ASPA: variants seen among roughly 807,000 people sequenced by gnomAD.
ASPA encodes ACY-2.
ASPA carries 25 observed loss-of-function variants against 29.6 expected under a neutral mutation model. The ratio of observed to expected loss-of-function variants is 0.85; its 90% CI spans 0.62 to 1.18. The LOEUF is 1.18. ASPA is among the 50% of genes most tolerant of loss of function. ASPA has a pLI of 0.00. For synonymous variants in ASPA, 131 were observed against 130.3 expected (o/e 1.01, Z -0.04); for missense variants, 333 against 385.7 (o/e 0.86, Z 1.14).
intron 1 of ASPA, among the ~76,000 whole-genome samples, chr17:3,478,116 C>T (rs1487879197): frequency 2.6e-5 from 4 of 152,078 alleles, no homozygotes; most frequent in East Asian, 1.9e-4. Context: ...ACCTGGGAGG[C>T]GGAGCTTGCA....
chr17:3,484,370 T>TA (rs2150749298), intron 3 of ASPA, among the ~76,000 whole-genome samples: 1 of 152,254 alleles, frequency 6.6e-6, no homozygotes, highest in African/African-American at 2.4e-5. Flanking sequence ...AACAGACAGG[T>TA]AACCAGGTAA....
chr17:3,483,625 A>T (rs371697371), intron 3 of ASPA, 33 bp downstream of exon 3: 557 of 1,532,636 alleles, frequency 3.6e-4, no homozygotes, highest in Non-Finnish European at 4.6e-4. Context: ...ATAACTCAAT[A>T]AAATATGTCC....
In ASPA at chr17:3,498,944, T is replaced by C; in HGVS notation, c.798T>C (p.Asp266=). ...GGGATCCCATGTTTTTAACTCTTGA[T>C]GGGAAGACGATCCCACTGGGCGGAG... ...HPGDPMFLTL[D]GKTIPLGGDC... The change falls in exon 6 of 6, where the codon GAT becomes GAC. Residue 266 remains aspartate (D), a synonymous_variant. Transcript: ENST00000263080. 6.2e-7 allele frequency: 1 copy of C among 1,612,662 alleles called. No homozygotes were observed. Among genetic ancestry groups the C allele is most frequent in the Non-Finnish European group, 8.5e-7 (1 of 1,179,098 alleles).
intron 5 of ASPA, 115 bp from the exon 6 acceptor site, chr17:3,498,776 G>T (rs1328913243): frequency 2.4e-5 from 25 of 1,056,816 alleles, no homozygotes; most frequent in Non-Finnish European, 3.2e-5. Context: ...CCTCGCTCAA[G>T]TATCTCTTTT....
intron 1 of ASPA, among the ~76,000 whole-genome samples, chr17:3,480,121 G>A (rs2073601735): frequency 1.3e-5 from 2 of 152,206 alleles, no homozygotes; most frequent in South Asian, 2.1e-4. Context: ...TAGGCCAGGT[G>A]TGGCTGCTCA....
At chr17:3,481,461 T>C (rs1001338969) in intron 1 of ASPA, 142 bp from the exon 2 acceptor site, 5 of 715,266 alleles carry the variant, frequency 7.0e-6, no homozygotes, top group Non-Finnish European at 1.2e-5. Flanking sequence ...TATATAAACA[T>C]TTCAGGTAAG....
At chr17:3,478,627 TGCATTTCAGTGA>T (rs2073573398) in intron 1 of ASPA, among the ~76,000 whole-genome samples, 1 of 152,226 alleles carries the variant, frequency 6.6e-6, no homozygotes, top group South Asian at 2.1e-4. Context: ...CCCAGTAGTA[TGCATTTCAGTGA>T]GCACAGTCTT....
intron 2 of ASPA, among the ~76,000 whole-genome samples, chr17:3,483,285 G>GTA (rs1387880358): frequency 1.3e-5 from 2 of 152,062 alleles, no homozygotes; most frequent in Non-Finnish European, 2.9e-5. Context: ...GAAAGACACT[G>GTA]TATAATTCAA....
chr17:3,487,130 G>A (rs894976088), intron 3 of ASPA, among the ~76,000 whole-genome samples: 5 of 151,996 alleles, frequency 3.3e-5, no homozygotes, highest in African/African-American at 9.7e-5. Flanking sequence ...CTAGGATAAG[G>A]TTTGCCTAGA....
chr17:3,493,944 G>A (rs1011861194), intron 4 of ASPA, among the ~76,000 whole-genome samples: 2 of 152,000 alleles, frequency 1.3e-5, no homozygotes, highest in African/African-American at 4.8e-5. Flanking sequence ...TTAACTAAAC[G>A]TTATCTGTTC....
intron 5 of ASPA, among the ~76,000 whole-genome samples, chr17:3,496,782 C>A (rs1199688163): frequency 6.6e-6 from 1 of 152,074 alleles, no homozygotes; most frequent in African/African-American, 2.4e-5. Flanking sequence ...AATGCTGATT[C>A]CTGGCCAGGA....
intron 1 of ASPA, among the ~76,000 whole-genome samples, chr17:3,481,387 G>A (rs536980540): frequency 5.3e-5 from 8 of 152,172 alleles, no homozygotes; most frequent in South Asian, 2.1e-4. Flanking sequence ...GTATTACTTC[G>A]CAAGCATGCC....
chr17:3,493,560 C>CAAAAAA (rs746229421), intron 4 of ASPA, among the ~76,000 whole-genome samples: 2 of 56,356 alleles, frequency 3.5e-5, no homozygotes, highest in Admixed American at 2.7e-4. Context: ...GGTTCCATCT[C>CAAAAAA]AAAAAAAAAA....
intron 4 of ASPA, among the ~76,000 whole-genome samples, chr17:3,492,762 C>A (rs2073845965): frequency 6.6e-6 from 1 of 152,118 alleles, no homozygotes; most frequent in Non-Finnish European, 1.5e-5. Context: ...AGCTGACAGC[C>A]CATCAGACAT....
intron 1 of ASPA, among the ~76,000 whole-genome samples, chr17:3,476,655 G>C (rs1460898455): frequency 6.6e-6 from 1 of 152,144 alleles, no homozygotes; most frequent in Non-Finnish European, 1.5e-5. Flanking sequence ...TACAGACTGA[G>C]ACAATAAATA....
intron 4 of ASPA, among the ~76,000 whole-genome samples, chr17:3,491,964 A>G (rs531664452): frequency 1.4e-5 from 2 of 147,370 alleles, no homozygotes; most frequent in South Asian, 4.2e-4. Context: ...TGGAGCCTCA[A>G]GTTCCTGGGC....
intron 5 of ASPA, among the ~76,000 whole-genome samples, chr17:3,495,076 T>C (rs1041616454): frequency 1.7e-4 from 25 of 151,012 alleles, no homozygotes; most frequent in African/African-American, 5.6e-4. Flanking sequence ...TTATCAATAA[T>C]GACATAGTGA....
chr17:3,476,037 G>A lies in ASPA; in HGVS notation c.-123G>A. On this transcript the variant is annotated 5_prime_UTR_variant, in exon 1 of 6. Transcript: ENST00000263080. ...AAATTAAAATATACTCCACTCAAGG[G>A]AATTCTGTACTTTGCCCTTTGGGTA... is the stretch of plus-strand genomic sequence containing the variant. 1 of 885,708 alleles carries A rather than the reference G, an allele frequency of 1.1e-6. No individual in the cohort carries two copies. The highest frequency in any genetic ancestry group is 1.8e-6 in the Non-Finnish European group (1 of 560,632). The allele number at this position is 885,708 out of a possible 1,614,324, so 54.9% of individuals were successfully genotyped here.
At chr17:3,494,283 C>A in intron 4 of ASPA, 67 bp from the exon 5 acceptor site, 2 of 1,233,612 alleles carry the variant, frequency 1.6e-6, no homozygotes, top group Non-Finnish European at 2.4e-6. Context: ...GGATGACAGG[C>A]ATGAGCCACC....
Sources: gnomAD v4.1 joint callset for allele counts (sites outside exome capture counted in the v4.1 genomes callset) on GRCh38, gnomAD v4.1.1 for gene constraint, MANE v1.5 for transcripts, NCBI Gene and HGNC (gene_info 2026-07-23, HGNC 2026-07-21) for gene names.